The following CPED1 variants were observed in gnomAD, a reference collection of about 807,000 sequenced individuals.
The protein encoded by CPED1 is cadherin-like and PC-esterase domain-containing protein 1.
A neutral mutation model predicts 128.2 loss-of-function variants in CPED1; 114 were observed. The ratio of observed to expected loss-of-function variants is 0.89; its 90% CI spans 0.76 to 1.04. The LOEUF (loss-of-function observed/expected upper bound fraction) is 1.04, where lower values mean the gene tolerates loss of function less well. Ranked by LOEUF, CPED1 falls within the 50% of genes least tolerant of loss-of-function variation. CPED1 has a pLI of 0.00. For missense variants in CPED1, 1,211 were observed against 1,207.1 expected (o/e 1.00, Z -0.05); for synonymous variants, 462 against 426.7 (o/e 1.08, Z -1.02).
At chr7:121,063,647 G>A (rs1327821623) in intron 4 of CPED1, among the ~76,000 whole-genome samples, 1 of 152,148 alleles carries the variant, frequency 6.6e-6, no homozygotes, top group Non-Finnish European at 1.5e-5. Context: ...TTGGGTATTA[G>A]TTTGGGGATT....
At chr7:121,046,672 T>C (rs1298494817) in intron 3 of CPED1, among the ~76,000 whole-genome samples, 1 of 152,008 alleles carries the variant, frequency 6.6e-6, no homozygotes, top group East Asian at 1.9e-4. Flanking sequence ...ACATTTTCTA[T>C]AGAATAAAAT....
chr7:121,233,679 T>A (rs572824674), intron 16 of CPED1, among the ~76,000 whole-genome samples: 24 of 152,264 alleles, frequency 1.6e-4, no homozygotes, highest in African/African-American at 5.5e-4. Context: ...TTCCTTTTTT[T>A]AAATGTTATT....
intron 4 of CPED1, chr7:121,050,758 C>T: frequency 6.6e-6 from 3 of 453,590 alleles, no homozygotes; most frequent in Non-Finnish European, 1.3e-5. Context: ...GCCACCGTGC[C>T]CGGCCACAGG....
rs1796340212 is a variant in CPED1, at chr7:120,993,338, A to G, written c.249+3468A>G. Among the ~76,000 whole-genome samples, 4 of 152,166 alleles carry G rather than the reference A, an allele frequency of 2.6e-5. No individual in the cohort carries two copies. In the South Asian group the frequency reaches 8.3e-4, roughly 32 times the overall value. ...TTTGCTATTTGGGGAATACATTTAT[A>G]CTCACCATAGCCATGTGTTTCTGAT... On this transcript the variant is annotated intron_variant, in intron 2 of 22. Transcript: ENST00000310396.
At chr7:121,011,209 G>GA (rs148201816) in intron 2 of CPED1, among the ~76,000 whole-genome samples, 72 of 146,122 alleles carry the variant, frequency 4.9e-4, no homozygotes, top group South Asian at 1.7e-3. Flanking sequence ...TCTGCTATGT[G>GA]AAAAAAAAAA....
chr7:121,253,922 C>A (rs988483100), intron 18 of CPED1, among the ~76,000 whole-genome samples: 2 of 151,958 alleles, frequency 1.3e-5, no homozygotes, highest in African/African-American at 4.8e-5. Context: ...TCATAAAACA[C>A]GTTCTTGTTG....
rs942998346 is a variant in CPED1, at chr7:121,142,952, A to G, written c.2055+811A>G. Among the ~76,000 whole-genome samples, 12 of 152,106 alleles carry G rather than the reference A, an allele frequency of 7.9e-5. No individual in the cohort carries two copies. The South Asian group carries it at 2.5e-3, about 31-fold the overall frequency. On this transcript the variant is annotated intron_variant, in intron 16 of 22. Coordinates refer to ENST00000310396, the MANE Select transcript of CPED1 (RefSeq NM_024913.5). ...AATAGCTGGTTAGTAAAAGAGAGGT[A>G]TTGCTGACTGGGCCTTGATAGGTAG...
At chr7:121,289,897 G>T (rs996253872) in intron 22 of CPED1, among the ~76,000 whole-genome samples, 1 of 152,024 alleles carries the variant, frequency 6.6e-6, no homozygotes, top group African/African-American at 2.4e-5. Context: ...ATGGTGGTTT[G>T]CTGCATCCAT....
intron 7 of CPED1, among the ~76,000 whole-genome samples, chr7:121,108,607 A>G (rs1795036429): frequency 6.6e-6 from 1 of 151,016 alleles, no homozygotes; most frequent in Admixed American, 6.6e-5. Context: ...TTTTTTTCAT[A>G]TAAGGAAATT....
chr7:121,195,584 A>T (rs990583989), intron 16 of CPED1, among the ~76,000 whole-genome samples: 3 of 152,154 alleles, frequency 2.0e-5, no homozygotes, highest in Non-Finnish European at 4.4e-5. Flanking sequence ...TAGATAAGTC[A>T]TGGACCAATC....
intron 16 of CPED1, among the ~76,000 whole-genome samples, chr7:121,156,471 A>G (rs1395226623): frequency 6.6e-6 from 1 of 152,214 alleles, no homozygotes; most frequent in Non-Finnish European, 1.5e-5. Flanking sequence ...TAAAGAAAAC[A>G]TGGTATTATA....
chr7:121,215,738 T>G (rs769524696), intron 16 of CPED1, among the ~76,000 whole-genome samples: 12 of 152,090 alleles, frequency 7.9e-5, no homozygotes, highest in Non-Finnish European at 1.6e-4. Flanking sequence ...ATCCTTTTAA[T>G]GAAATTTAAC....
In CPED1 at chr7:121,151,265, T is replaced by C. The variant is rs1373041856; in HGVS notation, c.2055+9124T>C. Among the ~76,000 whole-genome samples, 7 of 152,176 alleles carry C rather than the reference T, an allele frequency of 4.6e-5. No individual in the cohort carries two copies. The East Asian group carries it at 1.3e-3, about 29-fold the overall frequency. ...TATATATGCCCAATGCCGTATACAA[T>C]GTCAGAGGTATGAAAAGTGCCAGGT... is the stretch of plus-strand genomic sequence containing the variant. On this transcript the variant is annotated intron_variant, in intron 16 of 22. Transcript: ENST00000310396.
intron 18 of CPED1, among the ~76,000 whole-genome samples, chr7:121,244,756 G>A (rs1196592178): frequency 1.3e-5 from 2 of 152,182 alleles, no homozygotes; most frequent in Non-Finnish European, 1.5e-5. Flanking sequence ...GGTCCTGCAT[G>A]TGAGACTCAC....
At chr7:121,209,446 T>C (rs1006033359) in intron 16 of CPED1, among the ~76,000 whole-genome samples, 7 of 152,052 alleles carry the variant, frequency 4.6e-5, no homozygotes, top group African/African-American at 1.7e-4. Flanking sequence ...TAGTCAGCTT[T>C]ATGAAACTAT....
intron 16 of CPED1, among the ~76,000 whole-genome samples, chr7:121,167,627 T>C (rs1796560858): frequency 6.6e-6 from 1 of 152,134 alleles, no homozygotes; most frequent in African/African-American, 2.4e-5. Context: ...CCATAACATA[T>C]TTGAGATCTG....
chr7:121,036,511 T>A (rs55673148), intron 3 of CPED1, among the ~76,000 whole-genome samples: 10,916 of 75,572 alleles, frequency 0.14, 489 homozygotes, highest in East Asian at 0.24. Context: ...ATATATATTT[T>A]TTTTTTCTTT....
intron 16 of CPED1, among the ~76,000 whole-genome samples, chr7:121,160,433 A>C (rs745350324): frequency 1.3e-5 from 2 of 152,148 alleles, no homozygotes; most frequent in African/African-American, 4.8e-5. Flanking sequence ...ATTGTTCATG[A>C]AGAGAGACTA....
At chr7:121,100,185 T>A in intron 7 of CPED1, 91 bp downstream of exon 7, 1 of 1,077,978 alleles carries the variant, frequency 9.3e-7, no homozygotes, top group African/African-American at 1.6e-5. Flanking sequence ...TTTATGGTTA[T>A]CAAATCCCAT....
Sources: allele counts gnomAD v4.1 joint callset (sites outside exome capture counted in the v4.1 genomes callset), GRCh38; gene constraint gnomAD v4.1.1; transcripts MANE v1.5; gene names NCBI Gene and HGNC (gene_info 2026-07-23, HGNC 2026-07-21).